UNC13A: variants seen among roughly 807,000 people sequenced by gnomAD.
UNC13A encodes unc-13 homolog A, also known as protein unc-13 homolog A.
Under a neutral mutation model 219.7 loss-of-function variants are expected in UNC13A, and 61 were observed. That is an observed-to-expected ratio of 0.28 (90% confidence interval 0.23 to 0.34). The LOEUF is 0.34. Ranked by LOEUF, UNC13A falls within the 10% of genes least tolerant of loss-of-function variation. The pLI is 1.00. For missense variants in UNC13A, 1,476 were observed against 2,270.3 expected (o/e 0.65, Z 7.11); for synonymous variants, 920 against 884.6 (o/e 1.04, Z -0.71).
chr19:17,609,978 G>T lies in UNC13A; in HGVS notation c.4773C>A (p.Asn1591Lys). Residue 1591 changes from asparagine to lysine, a missense_variant, in exon 43 of 44, where the codon AAC (asparagine) becomes AAA (lysine). By Grantham distance (94) the Asn-to-Lys change is moderately conservative. Coordinates refer to ENST00000519716, the MANE Select transcript of UNC13A (RefSeq NM_001080421.3). ...CATTGTACTTGGGAGCCCAGCTATT[G>T]TTCTTGGATTTGGTCGCAAACTTGC... ...KKRKFATKSK[N>K]NSWAPKYNES... The T allele has an allele frequency of 6.2e-7, 1 of 1,613,992 alleles. No homozygotes were observed. Among genetic ancestry groups the T allele is most frequent in the Non-Finnish European group, 8.5e-7 (1 of 1,179,898 alleles).
Position 17,688,281 on chromosome 19 carries a change from T to C in UNC13A, c.-82A>G. ...TCAGCGGCCGCTGGGCTGGGGCATC[T>C]CCCGGCTGCAGCCCGCGCTTGGCTC... On this transcript the variant is annotated 5_prime_UTR_variant, in exon 1 of 44. Coordinates refer to ENST00000519716, the MANE Select transcript of UNC13A (RefSeq NM_001080421.3). The C allele has an allele frequency of 7.3e-7, 1 of 1,361,066 alleles. No homozygotes were observed. Among genetic ancestry groups the C allele is most frequent in the Non-Finnish European group, 9.5e-7 (1 of 1,057,154 alleles). The allele number at this position is 1,361,066 out of a possible 1,614,324, so 84.3% of individuals were successfully genotyped here. A position where few individuals can be genotyped will look rare whatever the true frequency, so the allele number is the denominator to read the frequency against.
intron 7 of UNC13A, 61 bp downstream of exon 7, chr19:17,666,589 T>C: frequency 3.1e-6 from 4 of 1,302,522 alleles, no homozygotes; most frequent in South Asian, 1.9e-5. Flanking sequence ...AGGACAGTCA[T>C]GGGGTAGGGG....
At chr19:17,622,286 A>G (rs553851065) in intron 36 of UNC13A, among the ~76,000 whole-genome samples, 5 of 152,212 alleles carry the variant, frequency 3.3e-5, no homozygotes, top group Admixed American at 1.3e-4. Context: ...TATATTTACT[A>G]TATGACCTTG....
Position 17,658,687 on chromosome 19 carries a change from G to T in UNC13A, c.560-418C>A, listed in dbSNP as rs531305316. 2.0e-5 allele frequency among the ~76,000 whole-genome samples: 3 copies of T among 152,214 alleles called. No homozygotes were observed. In the South Asian group the frequency reaches 6.2e-4, roughly 31 times the overall value. On this transcript the variant is annotated intron_variant, in intron 8 of 43. Coordinates refer to ENST00000519716, the MANE Select transcript of UNC13A (RefSeq NM_001080421.3). ...GGGGGAAGTTGGAAGAAGATCAGGAGTTCAAAGTGGACGGAACGCTCTTTA... is the reference window on the plus strand; with the variant it reads ...GGGGGAAGTTGGAAGAAGATCAGGATTTCAAAGTGGACGGAACGCTCTTTA...
intron 20 of UNC13A, 23 bp downstream of exon 20, chr19:17,642,822 A>T: frequency 6.3e-7 from 1 of 1,576,226 alleles, no homozygotes; most frequent in Non-Finnish European, 8.6e-7. Context: ...GTGGCATGGG[A>T]GGGGCCGAGC....
intron 19 of UNC13A, among the ~76,000 whole-genome samples, chr19:17,644,898 C>T (rs959722520): frequency 1.3e-5 from 2 of 151,570 alleles, no homozygotes; most frequent in African/African-American, 4.9e-5. Flanking sequence ...CACTATGTTG[C>T]CCAGGCTGGT....
intron 38 of UNC13A, among the ~76,000 whole-genome samples, chr19:17,619,993 G>A (rs2076710604): frequency 2.0e-5 from 3 of 152,350 alleles, no homozygotes; most frequent in African/African-American, 4.8e-5. Flanking sequence ...TCTTTGCTCA[G>A]TGTTCGCTAA....
At chr19:17,655,829 C>T in intron 10 of UNC13A, 54 bp downstream of exon 10, 1 of 1,465,878 alleles carries the variant, frequency 6.8e-7, no homozygotes, top group Non-Finnish European at 9.0e-7. Context: ...CATAGCCCTG[C>T]TGACCCTGTG....
intron 1 of UNC13A, among the ~76,000 whole-genome samples, chr19:17,680,536 T>C (rs2145926714): frequency 6.6e-6 from 1 of 152,146 alleles, no homozygotes; most frequent in East Asian, 1.9e-4. Flanking sequence ...GACTGATGAA[T>C]GTAGTGGCCG....
At position 17,652,519 on chromosome 19, in the gene UNC13A, C is replaced by T. The variant is rs996254391; in HGVS notation, c.1439+112G>A. 4 of 1,357,082 alleles carry T rather than the reference C, an allele frequency of 2.9e-6. No individual in the cohort carries two copies. In the African/African-American group the frequency reaches 4.3e-5, roughly 15 times the overall value. The allele number at this position is 1,357,082 out of a possible 1,614,324, so 84.1% of individuals were successfully genotyped here. A position where few individuals can be genotyped will look rare whatever the true frequency, so the allele number is the denominator to read the frequency against. On this transcript the variant is annotated intron_variant, in intron 12 of 43. Coordinates refer to ENST00000519716, the MANE Select transcript of UNC13A (RefSeq NM_001080421.3). Reference sequence around the variant, plus strand: ...TATTTTGCCCAAGCTCAATCTGTCCCCTGTCTAAATGGAACCCCTCCTCCT... The same window carrying T: ...TATTTTGCCCAAGCTCAATCTGTCCTCTGTCTAAATGGAACCCCTCCTCCT...
chr19:17,628,895 T>G (rs1247485104), intron 31 of UNC13A, among the ~76,000 whole-genome samples: 1 of 151,334 alleles, frequency 6.6e-6, no homozygotes, highest in East Asian at 1.9e-4. Context: ...CACACACACA[T>G]TCATGCCATA....
At chr19:17,662,953 C>A (rs7249477) in intron 8 of UNC13A, among the ~76,000 whole-genome samples, 2 of 148,482 alleles carry the variant, frequency 1.3e-5, no homozygotes, top group Non-Finnish European at 3.0e-5. Flanking sequence ...GGAAAATGGA[C>A]ATTTAATTTA....
chr19:17,621,170 T>TA, intron 37 of UNC13A, among the ~76,000 whole-genome samples: 1 of 152,152 alleles, frequency 6.6e-6, no homozygotes, highest in Non-Finnish European at 1.5e-5. Context: ...CGTGCACTCC[T>TA]AAACACTTGC....
rs1261147607 is a variant in UNC13A at position 17,674,786 on chromosome 19, G to A, written c.53-30C>T. 6.3e-7 allele frequency: 1 copy of A among 1,580,154 alleles called. No homozygotes were observed. The highest frequency in any genetic ancestry group is 8.7e-7 in the Non-Finnish European group (1 of 1,149,490). Reference sequence around the variant, plus strand: ...GGCAGTGAGAGTAGGGGTCAGCGCTGGGGCTCAGGGACTCTCCAATGCCCC... The same window carrying A: ...GGCAGTGAGAGTAGGGGTCAGCGCTAGGGCTCAGGGACTCTCCAATGCCCC... On this transcript the variant is annotated intron_variant, in intron 2 of 43. Coordinates refer to ENST00000519716, the MANE Select transcript of UNC13A (RefSeq NM_001080421.3). The surrounding 1 kb of genome is among the most constrained non-coding windows in gnomAD (Gnocchi z 5.0).
At chr19:17,681,889 C>T (rs533449283) in intron 1 of UNC13A, among the ~76,000 whole-genome samples, 2 of 152,134 alleles carry the variant, frequency 1.3e-5, no homozygotes, top group Admixed American at 6.5e-5. Context: ...TCAGAAATGT[C>T]CTGCACTCAG....
At chr19:17,643,965 T>C (rs74826435) in intron 19 of UNC13A, among the ~76,000 whole-genome samples, 4 of 152,218 alleles carry the variant, frequency 2.6e-5, no homozygotes, top group African/African-American at 9.6e-5. Context: ...GAATGGGATA[T>C]CTAGATGTCC....
At chr19:17,631,184 T>TTCCTTCCCTCCCTCCC (rs2076846875) in intron 28 of UNC13A, among the ~76,000 whole-genome samples, 1 of 25,494 alleles carries the variant, frequency 3.9e-5, no homozygotes, top group Non-Finnish European at 8.3e-5. Context: ...CCTCCTTTCC[T>TTCCTTCCCTCCCTCCC]TCCTTCCCTC....
intron 1 of UNC13A, among the ~76,000 whole-genome samples, chr19:17,686,302 C>A (rs1459564344): frequency 7.3e-5 from 1 of 13,656 alleles, no homozygotes; most frequent in East Asian, 4.3e-4. Context: ...ATCCCCGCCC[C>A]CCCCCCCCCC....
At chr19:17,623,247 C>T (rs1205456976) in intron 36 of UNC13A, 2 of 421,608 alleles carry the variant, frequency 4.7e-6, no homozygotes, top group Admixed American at 4.3e-5. Flanking sequence ...GGATTCTACC[C>T]TTAGACGGCA....
Sources: allele counts gnomAD v4.1 joint callset (sites outside exome capture counted in the v4.1 genomes callset), GRCh38; gene constraint gnomAD v4.1.1; non-coding constraint Gnocchi (gnomAD v3.1); transcripts MANE v1.5; gene names NCBI Gene and HGNC (gene_info 2026-07-23, HGNC 2026-07-21).